Variants in FOXP1 observed in about 807,000 individuals in gnomAD.
FOXP1 encodes the protein forkhead box protein P1.
In FOXP1, 15 loss-of-function variants were observed where a neutral mutation model predicts 98.2. The ratio of observed to expected loss-of-function variants is 0.15; its 90% CI spans 0.10 to 0.24. The LOEUF (loss-of-function observed/expected upper bound fraction) is 0.24, where lower values mean the gene tolerates loss of function less well. Among genes scored for constraint, FOXP1 ranks in the 10% least tolerant of loss-of-function variants. The probability of loss-of-function intolerance (pLI) is 1.00; values close to 1 mark genes in which losing one functional copy is unlikely to be tolerated. For synonymous variants in FOXP1, 371 were observed against 314.5 expected, an observed-to-expected ratio of 1.18 and a Z score of -1.90; for missense variants, 633 against 848.5, an observed-to-expected ratio of 0.75 and a Z score of 3.15.
chr3:71,185,870 T>G (rs1174869907), intron 6 of FOXP1, among the ~76,000 whole-genome samples: 1 of 152,196 alleles, frequency 6.6e-6, no homozygotes, highest in African/African-American at 2.4e-5. Flanking sequence ...ATACTGAGAC[T>G]CTTTCCTAAC....
chr3:71,489,832 A>G (rs1004016969), intron 3 of FOXP1, among the ~76,000 whole-genome samples: 3 of 152,154 alleles, frequency 2.0e-5, no homozygotes, highest in Admixed American at 2.0e-4. Context: ...GTTGGCCATA[A>G]TGATCTATCT....
rs2050889964 is a variant in FOXP1 at position 71,057,792 on chromosome 3, G to A, written c.283-4019C>T. Among the ~76,000 whole-genome samples, 5 of 152,258 alleles carry A rather than the reference G, an allele frequency of 3.3e-5. No homozygotes were observed. In the South Asian group the frequency reaches 8.3e-4, roughly 25 times the overall value. The stretch of plus-strand genomic sequence containing the variant: ...TACCAACTGGGTGTGGTCGATCCCA[G>A]GTGCACCCAAACCTGCGGGAATGGC... On this transcript the variant is annotated intron_variant, in intron 7 of 20. Transcript: ENST00000649528.
chr3:71,382,258 G>A (rs1191590693), intron 3 of FOXP1, among the ~76,000 whole-genome samples: 2 of 152,106 alleles, frequency 1.3e-5, no homozygotes, highest in African/African-American at 4.8e-5. Flanking sequence ...ATGGGCGACA[G>A]GGACCTGTCT....
chr3:71,486,998 T>C (rs1050618373), intron 3 of FOXP1, among the ~76,000 whole-genome samples: 1 of 152,198 alleles, frequency 6.6e-6, no homozygotes, highest in East Asian at 1.9e-4. Flanking sequence ...CCGGCATGTA[T>C]GTGCCTCTCC....
At chr3:71,451,424 T>G (rs983687471) in intron 3 of FOXP1, among the ~76,000 whole-genome samples, 9 of 152,178 alleles carry the variant, frequency 5.9e-5, no homozygotes, top group African/African-American at 2.2e-4. Context: ...AACCTCAACA[T>G]GCACTACTTA....
Position 71,250,199 on chromosome 3 carries a change from G to A in FOXP1, c.-12+49621C>T, listed in dbSNP as rs558453629. Among the ~76,000 whole-genome samples, 15 of 152,258 alleles carry A rather than the reference G, an allele frequency of 9.9e-5. No individual in the cohort carries two copies. In the South Asian group the frequency reaches 3.1e-3, roughly 32 times the overall value. On this transcript the variant is annotated intron_variant, in intron 5 of 20. Coordinates refer to ENST00000649528, the MANE Select transcript of FOXP1 (RefSeq NM_001349338.3). ...GATGCTAGTAGCACATGCCCCCACC[G>A]CATTCGTGACCTCCAAAAACGTCTC...
chr3:71,159,262 G>C (rs763911906), intron 6 of FOXP1, among the ~76,000 whole-genome samples: 15 of 152,060 alleles, frequency 9.9e-5, no homozygotes, highest in Non-Finnish European at 2.1e-4. Flanking sequence ...ATCCAGAGAA[G>C]GGCAAGTAAA....
At position 70,980,324 on chromosome 3, in the gene FOXP1, T is replaced by C. The variant is rs186382120; in HGVS notation, c.1147-2295A>G. Among the ~76,000 whole-genome samples the C allele has an allele frequency of 3.9e-5, 6 of 152,306 alleles. No individual in the cohort carries two copies. The East Asian group carries it at 1.2e-3, about 29-fold the overall frequency. ...CATGAAAGGCTAATGCTCATAAATA[T>C]ACAGCTTTTATAATTCAGACGCTGC... On this transcript the variant is annotated intron_variant, in intron 14 of 20. Coordinates refer to ENST00000649528, the MANE Select transcript of FOXP1 (RefSeq NM_001349338.3).
At chr3:71,061,067 G>C (rs1016975499) in intron 7 of FOXP1, among the ~76,000 whole-genome samples, 155 of 152,008 alleles carry the variant, frequency 1.0e-3, no homozygotes, top group African/African-American at 3.6e-3. Context: ...ATCTGCAAAG[G>C]CTTGTTTAGC....
chr3:71,396,721 A>ACGGAGCTTGCAGTGAGCTGAGATCCC (rs200630527), intron 3 of FOXP1, among the ~76,000 whole-genome samples: 16 of 150,916 alleles, frequency 1.1e-4, no homozygotes, highest in African/African-American at 3.4e-4. Context: ...TTAAGAAGAC[A>ACGGAGCTTGCAGTGAGCTGAGATCCC]GCAACAGCAG....
intron 2 of FOXP1, among the ~76,000 whole-genome samples, chr3:71,509,906 C>A (rs537479354): frequency 6.6e-6 from 1 of 152,016 alleles, no homozygotes; most frequent in African/African-American, 2.4e-5. Context: ...AGGCCAGGCA[C>A]GGTGGCTCAC....
chr3:71,000,048 A>G (rs914109572), intron 13 of FOXP1, among the ~76,000 whole-genome samples: 2 of 152,134 alleles, frequency 1.3e-5, no homozygotes, highest in Non-Finnish European at 2.9e-5. Context: ...GGCTGTTGCA[A>G]TTGTACATTT....
chr3:71,094,252 T>C (rs920459465), intron 7 of FOXP1, among the ~76,000 whole-genome samples: 1 of 151,864 alleles, frequency 6.6e-6, no homozygotes, highest in Non-Finnish European at 1.5e-5. Context: ...AATCTGAATT[T>C]CATATAATTC....
chr3:71,319,515 C>T (rs1369472342), intron 4 of FOXP1, among the ~76,000 whole-genome samples: 1 of 152,144 alleles, frequency 6.6e-6, no homozygotes, highest in African/African-American at 2.4e-5. Context: ...AATCTCTGTT[C>T]AGTGATGAAA....
chr3:71,035,718 G>C (rs903783735), intron 11 of FOXP1, among the ~76,000 whole-genome samples: 1 of 151,986 alleles, frequency 6.6e-6, no homozygotes, highest in Non-Finnish European at 1.5e-5. Flanking sequence ...AAAATAACTA[G>C]CTTGCTCAGT....
intron 4 of FOXP1, among the ~76,000 whole-genome samples, chr3:71,318,225 G>A (rs1317896324): frequency 6.6e-6 from 1 of 150,644 alleles, no homozygotes; most frequent in African/African-American, 2.4e-5. Flanking sequence ...GAGTTTCAGG[G>A]ACAGAAGGAA....
At position 71,581,714 on chromosome 3, in the gene FOXP1, A is replaced by T; in HGVS notation, c.-446-17T>A. ...TTTCGGGTTCTGCAGTCGACAAGAA[A>T]CCGGGGCGACCCTCAGCAAGTCTTC... On this transcript the variant is annotated splice_polypyrimidine_tract_variant and intron_variant, in intron 1 of 20. Coordinates refer to ENST00000649528, the MANE Select transcript of FOXP1 (RefSeq NM_001349338.3). 1.0e-6 allele frequency: 1 copy of T among 985,644 alleles called. No homozygotes were observed. The highest frequency in any genetic ancestry group is 1.2e-6 in the Non-Finnish European group (1 of 830,138). The allele number at this position is 985,644 out of a possible 1,614,324, so 61.1% of individuals were successfully genotyped here.
At chr3:71,487,250 T>G (rs890126925) in intron 3 of FOXP1, among the ~76,000 whole-genome samples, 1 of 152,118 alleles carries the variant, frequency 6.6e-6, no homozygotes, top group African/African-American at 2.4e-5. Flanking sequence ...CAAGTCAATG[T>G]GGTGCACACA....
At chr3:71,282,606 T>C (rs1352980046) in intron 5 of FOXP1, among the ~76,000 whole-genome samples, 1 of 149,756 alleles carries the variant, frequency 6.7e-6, no homozygotes, top group African/African-American at 2.4e-5. Context: ...TTAGTATCTA[T>C]TTTTGCAGGA....
Sources: gnomAD v4.1 joint callset for allele counts (sites outside exome capture counted in the v4.1 genomes callset) on GRCh38, gnomAD v4.1.1 for gene constraint, MANE v1.5 for transcripts, NCBI Gene and HGNC (gene_info 2026-07-23, HGNC 2026-07-21) for gene names.